RHOBTB1: variants seen among roughly 807,000 people sequenced by gnomAD.
RHOBTB1 encodes the protein rho-related BTB domain-containing protein 1.
RHOBTB1 carries 40 observed loss-of-function variants against 71.6 expected under a neutral mutation model. The ratio of observed to expected loss-of-function variants is 0.56; its 90% CI spans 0.43 to 0.73. RHOBTB1 has a LOEUF of 0.73. RHOBTB1 is among the 30% of genes least tolerant of loss of function. RHOBTB1 has a pLI of 0.00. For missense variants in RHOBTB1, 797 were observed against 894.0 expected, an observed-to-expected ratio of 0.89 and a Z score of 1.38; for synonymous variants, 319 against 334.9, an observed-to-expected ratio of 0.95 and a Z score of 0.52.
intron 2 of RHOBTB1, 125 bp downstream of exon 2, chr10:60,941,679 T>C (rs1450441210): frequency 2.0e-5 from 3 of 152,202 alleles, no homozygotes; most frequent in Admixed American, 6.5e-5. Flanking sequence ...ACTGAGTCCA[T>C]AAAAAAGTCA....
chr10:60,898,525 A>G (rs1422658074), intron 4 of RHOBTB1, among the ~76,000 whole-genome samples: 1 of 152,102 alleles, frequency 6.6e-6, no homozygotes, highest in Non-Finnish European at 1.5e-5. Flanking sequence ...TGGTGCACAT[A>G]ACCACCAGGA....
chr10:60,862,652 CTTTT>C, the RHOBTB1 span, among the ~76,000 whole-genome samples: 2 of 145,502 alleles, frequency 1.4e-5, no homozygotes, highest in Admixed American at 6.9e-5. Flanking sequence ...TTCTCCCTTT[CTTTT>C]TTCTTTTTTT....
chr10:60,986,416 T>C (rs2086666440), intron 1 of RHOBTB1, among the ~76,000 whole-genome samples: 1 of 144,470 alleles, frequency 6.9e-6, no homozygotes, highest in Non-Finnish European at 1.5e-5. Flanking sequence ...TATATATATA[T>C]ATATATATAT....
In RHOBTB1 at chr10:60,986,433, A is replaced by ATATATT. The variant is rs35572813; in HGVS notation, c.-162-489_-162-488insAATATA. ...TATATATATATATATATATATATAA[A>ATATATT]ATATATATAGGCCATATATACTGGT... On this transcript the variant is annotated intron_variant, in intron 1 of 11. Coordinates refer to the RHOBTB1 transcript ENST00000357917. Among the ~76,000 whole-genome samples, 4 of 136,402 alleles carry ATATATT rather than the reference A, an allele frequency of 2.9e-5. 1 individual carries two copies. The highest frequency in any genetic ancestry group is 1.1e-4 in the African/African-American group (4 of 35,738). 89.5% of individuals were successfully genotyped at this position (136,402 alleles called of 152,430 possible).
chr10:60,997,068 C>CGT (rs2087080618), intron 1 of RHOBTB1, among the ~76,000 whole-genome samples: 2 of 110,342 alleles, frequency 1.8e-5, no homozygotes, highest in African/African-American at 1.1e-4. Flanking sequence ...GTTATGTACA[C>CGT]ACACACACAC....
chr10:60,891,817 A>G (rs2081934594), intron 5 of RHOBTB1, among the ~76,000 whole-genome samples: 1 of 152,158 alleles, frequency 6.6e-6, no homozygotes, highest in South Asian at 2.1e-4. Flanking sequence ...TCCCCACTCA[A>G]ATCTCATCTT....
At chr10:60,900,425 GC>G (rs1386962388) in intron 4 of RHOBTB1, among the ~76,000 whole-genome samples, 2 of 152,148 alleles carry the variant, frequency 1.3e-5, no homozygotes, top group Non-Finnish European at 2.9e-5. Context: ...ATAATGATAA[GC>G]TTTTTCGTGA....
At chr10:60,971,715 G>C (rs566268622) in intron 2 of RHOBTB1, among the ~76,000 whole-genome samples, 2 of 152,256 alleles carry the variant, frequency 1.3e-5, no homozygotes, top group East Asian at 3.9e-4. Flanking sequence ...AAACTAAAGA[G>C]CTTCTGCACA....
intron 6 of RHOBTB1, among the ~76,000 whole-genome samples, chr10:60,887,548 G>T (rs16915675): frequency 0.23 from 35,128 of 152,142 alleles, 4,292 homozygotes; most frequent in East Asian, 0.49. Context: ...ATTATGAAAG[G>T]GTGCTGCGGG....
At chr10:60,982,041 G>A (rs1359419446) in intron 2 of RHOBTB1, among the ~76,000 whole-genome samples, 1 of 152,174 alleles carries the variant, frequency 6.6e-6, no homozygotes, top group East Asian at 1.9e-4. Flanking sequence ...AAAGGGCTGG[G>A]ATTACAGGCA....
chr10:60,911,561 A>C lies in RHOBTB1; in HGVS notation c.-10-9T>G. On this transcript the variant is annotated splice_polypyrimidine_tract_variant and intron_variant, in intron 2 of 10. Transcript: ENST00000337910. ...CGTCCATTTATGAAACTCTGTAAGA[A>C]GAGAGTGAACACCACAGTAAGGACA... is the stretch of plus-strand genomic sequence containing the variant. 1 of 1,609,266 alleles carries C rather than the reference A, an allele frequency of 6.2e-7. No individual in the cohort carries two copies. The highest frequency in any genetic ancestry group is 8.5e-7 in the Non-Finnish European group (1 of 1,176,386).
intron 2 of RHOBTB1, among the ~76,000 whole-genome samples, chr10:60,963,699 T>G (rs2085862412): frequency 6.6e-6 from 1 of 152,170 alleles, no homozygotes; most frequent in East Asian, 1.9e-4. Flanking sequence ...GTTTTTGTGT[T>G]ATGTTGCTAC....
chr10:60,957,536 C>T (rs2085636125), intron 2 of RHOBTB1, among the ~76,000 whole-genome samples: 1 of 152,138 alleles, frequency 6.6e-6, no homozygotes, highest in African/African-American at 2.4e-5. Context: ...AGTGGTGCAG[C>T]CACCACCAAG....
chr10:60,871,684 G>A lies in RHOBTB1; in HGVS notation c.1922-33C>T, dbSNP rs770920970. 3.1e-6 allele frequency: 5 copies of A among 1,600,310 alleles called. No individual in the cohort carries two copies. The East Asian group carries it at 1.1e-4, about 36-fold the overall frequency. ...AGGAAAGATGCAGACCATAAGACCT[G>A]CGGTTCATTGATGCCTTTTATGTGC... On this transcript the variant is annotated intron_variant, in intron 10 of 10. Coordinates refer to ENST00000337910, the MANE Select transcript of RHOBTB1 (RefSeq NM_014836.5).
chr10:60,986,222 C>A (rs1160683932), intron 1 of RHOBTB1, among the ~76,000 whole-genome samples: 1 of 151,810 alleles, frequency 6.6e-6, no homozygotes, highest in African/African-American at 2.4e-5. Flanking sequence ...GGTGATGCTT[C>A]CCTCATCTTC....
At chr10:60,983,274 C>T (rs1417917800) in intron 2 of RHOBTB1, among the ~76,000 whole-genome samples, 1 of 152,058 alleles carries the variant, frequency 6.6e-6, no homozygotes, top group Non-Finnish European at 1.5e-5. Context: ...ATGATATCTT[C>T]TTAGGAGACT....
chr10:60,931,612 T>C (rs1041400809), intron 2 of RHOBTB1, among the ~76,000 whole-genome samples: 1 of 152,184 alleles, frequency 6.6e-6, no homozygotes, highest in Non-Finnish European at 1.5e-5. Context: ...ATATTAAGTA[T>C]AACCCTTGAT....
intron 2 of RHOBTB1, among the ~76,000 whole-genome samples, chr10:60,939,821 C>T (rs989035388): frequency 6.6e-6 from 1 of 152,134 alleles, no homozygotes; most frequent in Non-Finnish European, 1.5e-5. Flanking sequence ...GTAAGTCATG[C>T]ATACTAACCA....
intron 2 of RHOBTB1, among the ~76,000 whole-genome samples, chr10:60,959,667 G>A (rs567782988): frequency 2.8e-4 from 43 of 152,300 alleles, no homozygotes; most frequent in African/African-American, 1.0e-3. Flanking sequence ...CTGAGTGCTA[G>A]TTTTGTCTCT....
Sources: gnomAD v4.1 joint callset for allele counts (sites outside exome capture counted in the v4.1 genomes callset) on GRCh38, gnomAD v4.1.1 for gene constraint, MANE v1.5 for transcripts, NCBI Gene and HGNC (gene_info 2026-07-23, HGNC 2026-07-21) for gene names.